Variants in CASK observed in about 807,000 individuals in gnomAD.
CASK encodes the protein peripheral plasma membrane protein CASK.
Under a neutral mutation model 82.9 loss-of-function variants are expected in CASK, and 4 were observed. The observed-to-expected ratio is 0.05, with a 90% CI of 0.02 to 0.11. CASK has a LOEUF of 0.11. Among genes scored for constraint, CASK ranks in the 10% least tolerant of loss-of-function variants. CASK has a pLI of 1.00. For missense variants in CASK, 358 were observed against 720.9 expected (o/e 0.50, Z 5.76); for synonymous variants, 259 against 253.5 (o/e 1.02, Z -0.20).
chrX:41,631,235 G>A, intron 9 of CASK, among the ~76,000 whole-genome samples: 1 of 111,036 alleles, frequency 9.0e-6, no homozygotes, highest in Non-Finnish European at 1.9e-5. Flanking sequence ...TATAGAGATG[G>A]TCTTAAATGT....
At chrX:41,719,071 A>C (rs979994740) in intron 5 of CASK, among the ~76,000 whole-genome samples, 2 of 112,270 alleles carry the variant, frequency 1.8e-5, no homozygotes, top group Non-Finnish European at 3.8e-5. Flanking sequence ...GAATTCTTTA[A>C]GAACTATTAG....
At chrX:41,906,009 G>A (rs561898140) in intron 1 of CASK, among the ~76,000 whole-genome samples, 5 of 111,927 alleles carry the variant, frequency 4.5e-5, no homozygotes, top group African/African-American at 9.7e-5. Flanking sequence ...TACTATGTTC[G>A]GCATATACTA....
intron 10 of CASK, among the ~76,000 whole-genome samples, 155 bp downstream of exon 10, chrX:41,626,449 A>C (rs1188059556): frequency 8.9e-6 from 1 of 112,629 alleles, no homozygotes; most frequent in Non-Finnish European, 1.9e-5. Flanking sequence ...AAAAGGAACA[A>C]GACACATGTA....
intron 3 of CASK, 40 bp downstream of exon 3, chrX:41,787,138 C>T (rs1398222390): frequency 3.7e-6 from 3 of 800,120 alleles, no homozygotes; most frequent in Non-Finnish European, 3.9e-6. Context: ...ACCAACATTG[C>T]TTCAAGTTTT....
At chrX:41,886,377 G>A (rs2072048704) in intron 1 of CASK, among the ~76,000 whole-genome samples, 1 of 111,735 alleles carries the variant, frequency 8.9e-6, no homozygotes, top group African/African-American at 3.2e-5. Context: ...CGTCTAGAAT[G>A]TAACTTAAAG....
intron 1 of CASK, among the ~76,000 whole-genome samples, chrX:41,869,538 A>G (rs2071655889): frequency 9.0e-6 from 1 of 110,631 alleles, no homozygotes; most frequent in Non-Finnish European, 1.9e-5. Flanking sequence ...ACAGGCTGGG[A>G]GCAGTGACTC....
Position 41,813,745 on chromosome X carries a change from A to G in CASK, c.173-26462T>C, listed in dbSNP as rs748630945. 3.6e-5 allele frequency among the ~76,000 whole-genome samples: 4 copies of G among 111,987 alleles called. No individual in the cohort carries two copies. The Admixed American group carries it at 3.8e-4, about 11-fold the overall frequency. The stretch of plus-strand genomic sequence containing the variant: ...ACAAATGCCAAAATTGACAAATGGG[A>G]TCTAATTAAACTAAAGAGCTTCTGC... On this transcript the variant is annotated intron_variant, in intron 2 of 26. Coordinates refer to ENST00000378163, the MANE Select transcript of CASK (RefSeq NM_001367721.1).
Position 41,916,202 on chromosome X carries a change from G to A in CASK, c.59+6728C>T, listed in dbSNP as rs758947359. 4.4e-5 allele frequency among the ~76,000 whole-genome samples: 5 copies of A among 112,517 alleles called. No individual in the cohort carries two copies. The East Asian group carries it at 1.4e-3, about 31-fold the overall frequency. ...AAAAAAAGAAAATAAAATTTACTAC[G>A]TGCATCATTACTTTTATAATTTACT... On this transcript the variant is annotated intron_variant, in intron 1 of 26. Transcript: ENST00000378163.
At chrX:41,566,281 G>A (rs1371770828) in intron 16 of CASK, among the ~76,000 whole-genome samples, 2 of 111,860 alleles carry the variant, frequency 1.8e-5, no homozygotes, top group Non-Finnish European at 3.8e-5. Context: ...ATTAGGAAAT[G>A]AGGAAGTCAA....
intron 2 of CASK, among the ~76,000 whole-genome samples, chrX:41,849,563 C>A (rs1403059453): frequency 9.0e-6 from 1 of 111,364 alleles, no homozygotes; most frequent in Non-Finnish European, 1.9e-5. Context: ...AGGAGAAATT[C>A]TAAATCATTT....
intron 2 of CASK, among the ~76,000 whole-genome samples, chrX:41,795,537 G>A (rs1316756481): frequency 1.8e-5 from 2 of 110,720 alleles, no homozygotes; most frequent in Non-Finnish European, 3.8e-5. Flanking sequence ...GCGGTGACGT[G>A]TGCCTGTAGT....
In CASK at chrX:41,668,978, G is replaced by C. The variant is rs534802600; in HGVS notation, c.532+2450C>G. On this transcript the variant is annotated intron_variant, in intron 6 of 26. Coordinates refer to ENST00000378163, the MANE Select transcript of CASK (RefSeq NM_001367721.1). ...TCCTGGGCTCAATCTGCCCGCCTCA[G>C]CCTCCCAAAGTGCTGGAATTAGAGG... 5.1e-4 allele frequency among the ~76,000 whole-genome samples: 57 copies of C among 111,327 alleles called. No homozygotes were observed. The South Asian group carries it at 0.021, about 41-fold the overall frequency.
At chrX:41,773,870 T>C (rs1450959249) in intron 3 of CASK, among the ~76,000 whole-genome samples, 2 of 111,783 alleles carry the variant, frequency 1.8e-5, no homozygotes, top group African/African-American at 3.2e-5. Context: ...GGTGAGTCAG[T>C]AAGTGATGAG....
chrX:41,553,772 T>G lies in CASK; in HGVS notation c.1986A>C (p.Glu662Asp). 1 of 1,208,145 alleles carries G rather than the reference T, an allele frequency of 8.3e-7. No individual in the cohort carries two copies. The highest frequency in any genetic ancestry group is 1.1e-6 in the Non-Finnish European group (1 of 892,340). Residue 662 changes from glutamate (E) to aspartate (D), a missense_variant, in exon 21 of 27, where the codon GAA becomes GAC. Physicochemically the swap from Glu to Asp is conservative, Grantham distance 45 (BLOSUM62 2). Transcript: ENST00000378163. The part of the protein sequence containing the change: ...DDHNWWQGKL[E>D]NSKNGTAGLI... The stretch of plus-strand genomic sequence containing the variant: ...GACCTGCAGTTCCATTTTTGGAGTT[T>G]TCCAGTTTACCCTGCCACCAATTAT...
intron 3 of CASK, among the ~76,000 whole-genome samples, chrX:41,756,992 C>T (rs1243626812): frequency 8.9e-6 from 1 of 111,998 alleles, no homozygotes; most frequent in Non-Finnish European, 1.9e-5. Flanking sequence ...AAGAAAGGCT[C>T]CATATGTGAA....
At chrX:41,686,449 G>C (rs768356722) in intron 5 of CASK, among the ~76,000 whole-genome samples, 1 of 106,305 alleles carries the variant, frequency 9.4e-6, no homozygotes, top group South Asian at 4.3e-4. Flanking sequence ...TGTTGCCCAG[G>C]CTAGACTCAA....
chrX:41,693,340 A>G (rs1225204037), intron 5 of CASK, among the ~76,000 whole-genome samples: 1 of 111,700 alleles, frequency 9.0e-6, no homozygotes, highest in Non-Finnish European at 1.9e-5. Flanking sequence ...CAGGTTGGGC[A>G]TAGTGGCTCA....
intron 1 of CASK, among the ~76,000 whole-genome samples, chrX:41,869,261 C>T (rs1274972631): frequency 2.7e-5 from 3 of 111,631 alleles, no homozygotes; most frequent in Non-Finnish European, 5.7e-5. Flanking sequence ...CCAACCTCCA[C>T]CTTATTCTGT....
At chrX:41,783,092 C>A (rs1157067364) in intron 3 of CASK, among the ~76,000 whole-genome samples, 2 of 111,350 alleles carry the variant, frequency 1.8e-5, no homozygotes, top group Non-Finnish European at 3.8e-5. Flanking sequence ...TGAAGTGAGC[C>A]AAGATGGCGC....
Sources: allele counts gnomAD v4.1 joint callset (sites outside exome capture counted in the v4.1 genomes callset), GRCh38; gene constraint gnomAD v4.1.1; transcripts MANE v1.5; gene names NCBI Gene and HGNC (gene_info 2026-07-23, HGNC 2026-07-21).